AP3D1: variants seen among roughly 807,000 people sequenced by gnomAD.
AP3D1 encodes the protein adaptor related protein complex 3 subunit delta 1.
In AP3D1, 51 loss-of-function variants were observed where a neutral mutation model predicts 147.6. That is an observed-to-expected ratio of 0.35 (90% confidence interval 0.28 to 0.44). AP3D1 has a LOEUF of 0.44. AP3D1 is among the 20% of genes least tolerant of loss of function. AP3D1 has a pLI of 1.00. For synonymous variants in AP3D1, 760 were observed against 663.0 expected, an observed-to-expected ratio of 1.15 and a Z score of -2.25; for missense variants, 1,421 against 1,624.2, an observed-to-expected ratio of 0.87 and a Z score of 2.15.
intron 5 of AP3D1, among the ~76,000 whole-genome samples, chr19:2,132,253 G>T (rs532053552): frequency 6.6e-6 from 1 of 152,166 alleles, no homozygotes. Context: ...TGCTCCTCTC[G>T]GCAAGATGAT....
chr19:2,142,054 G>C (rs1326393076), intron 1 of AP3D1, among the ~76,000 whole-genome samples: 1 of 150,468 alleles, frequency 6.6e-6, no homozygotes, highest in Non-Finnish European at 1.5e-5. Flanking sequence ...AGTTTTGCTC[G>C]TCGCCCATGC....
Position 2,151,225 on chromosome 19 carries a change from C to A in AP3D1, c.96+14G>T, listed in dbSNP as rs747872620. On this transcript the variant is annotated intron_variant, in intron 1 of 31. Transcript: ENST00000643116. ...GTGACCAGGCCGAGCAGCCCCTTGG[C>A]GCGCCGGGCTCACCTCGTCCTCCTT... 1.2e-6 allele frequency: 2 copies of A among 1,606,556 alleles called. No homozygotes were observed. The highest frequency in any genetic ancestry group is 8.5e-7 in the Non-Finnish European group (1 of 1,176,368).
chr19:2,162,653 C>T (rs2019736292), intron 1 of AP3D1, among the ~76,000 whole-genome samples: 1 of 148,172 alleles, frequency 6.7e-6, no homozygotes, highest in Admixed American at 6.7e-5. Flanking sequence ...CAGAGCGAGA[C>T]TGTGTGTCAA....
intron 1 of AP3D1, among the ~76,000 whole-genome samples, chr19:2,145,886 C>T (rs969681984): frequency 4.6e-5 from 7 of 152,224 alleles, no homozygotes; most frequent in African/African-American, 1.4e-4. Flanking sequence ...AGCGGCTAAA[C>T]GCCTGTGAAT....
Position 2,129,061 on chromosome 19 carries a change from C to T in AP3D1, c.806+29G>A, listed in dbSNP as rs1261841414. On this transcript the variant is annotated intron_variant, in intron 8 of 31. Coordinates refer to ENST00000643116, the MANE Select transcript of AP3D1 (RefSeq NM_001261826.3). ...GACACTGCACCCCGTGGAGCCGGCC[C>T]GCCCCCACCGCGCATGGCCTGCACT... 6 of 1,544,648 alleles carry T rather than the reference C, an allele frequency of 3.9e-6. No individual in the cohort carries two copies. The South Asian group carries it at 6.0e-5, about 15-fold the overall frequency.
rs397859951 is a variant in AP3D1 at position 2,146,607 on chromosome 19, C to CAAA, written c.96+4629_96+4631dup. Among the ~76,000 whole-genome samples the CAAA allele has an allele frequency of 1.5e-4, 10 of 66,638 alleles. No homozygotes were observed. In the South Asian group the frequency reaches 1.9e-3, roughly 13 times the overall value. 43.7% of individuals were successfully genotyped at this position (66,638 alleles called of 152,430 possible). ...TGACAGACGGAGCAAGACCCTGTCT[C>CAAA]AAAAAAAAAAAAAAAAAAAAGCCGT... On this transcript the variant is annotated intron_variant, in intron 1 of 31. Transcript: ENST00000643116.
In AP3D1 at chr19:2,124,141, G is replaced by A. The variant is rs79489051; in HGVS notation, c.857-262C>T. On this transcript the variant is annotated intron_variant, in intron 9 of 31. Coordinates refer to ENST00000643116, the MANE Select transcript of AP3D1 (RefSeq NM_001261826.3). ...GCCTCAGCTGTTCCTGCAAACACTG[G>A]TTCACTCGCAACCCCTGCTTCCCTC... 2.9e-4 allele frequency among the ~76,000 whole-genome samples: 44 copies of A among 152,350 alleles called. No individual in the cohort carries two copies. The East Asian group carries it at 8.1e-3, about 28-fold the overall frequency.
At chr19:2,125,688 G>C (rs1377609725) in intron 9 of AP3D1, among the ~76,000 whole-genome samples, 1 of 152,150 alleles carries the variant, frequency 6.6e-6, no homozygotes, top group Non-Finnish European at 1.5e-5. Context: ...AGATTACCCA[G>C]GTAGGAACAA....
At chr19:2,122,528 G>A (rs910730864) in intron 11 of AP3D1, among the ~76,000 whole-genome samples, 11 of 152,234 alleles carry the variant, frequency 7.2e-5, no homozygotes, top group Non-Finnish European at 1.6e-4. Flanking sequence ...AGGCTGACAC[G>A]GCGGGCGGTA....
intron 4 of AP3D1, among the ~76,000 whole-genome samples, chr19:2,132,998 G>A (rs773474265): frequency 6.6e-6 from 1 of 152,178 alleles, no homozygotes; most frequent in Admixed American, 6.6e-5. Flanking sequence ...GGACAGAGGC[G>A]CCTGTCACAA....
chr19:2,118,707 T>C lies in AP3D1; in HGVS notation c.1607A>G (p.Gln536Arg), dbSNP rs1203249285. The change falls in exon 15 of 32, where the codon CAG (glutamine) becomes CGG (arginine). Residue 536 changes from glutamine (Q) to arginine (R), a missense_variant. Physicochemically the swap from Gln to Arg is conservative, Grantham distance 43. Around this residue, in one of 6 missense-constraint regions of AP3D1, gnomAD observed 310 missense variants for 388.1 expected, o/e 0.80. Transcript: ENST00000643116. Reference sequence around the variant, plus strand: ...CTCTGCCTCCCCGGCCTGCTCCTTCTGCTGCAGGATGGAGGCGTAGAGCTT... The same window carrying C: ...CTCTGCCTCCCCGGCCTGCTCCTTCCGCTGCAGGATGGAGGCGTAGAGCTT... ...VVKLYASILQ[Q>R]KEQAGEAEGA... 6.2e-7 allele frequency: 1 copy of C among 1,613,500 alleles called. No individual in the cohort carries two copies.
intron 30 of AP3D1, 69 bp downstream of exon 30, chr19:2,109,017 C>T: frequency 1.3e-6 from 2 of 1,588,120 alleles, no homozygotes; most frequent in Non-Finnish European, 1.7e-6. Context: ...GGCCCGGCTC[C>T]AATAGGAAGG....
chr19:2,102,121 G>A lies in AP3D1; in HGVS notation c.*52C>T, dbSNP rs371250099. On this transcript the variant is annotated 3_prime_UTR_variant, in exon 32 of 32. Transcript: ENST00000643116. ...AGGAGAGGCGAGACACGTCAGGGCT[G>A]CGGTCCCTGGGTACGTGCTCCGCGG... 2.8e-6 allele frequency: 4 copies of A among 1,444,808 alleles called. No homozygotes were observed. The highest frequency in any genetic ancestry group is 1.1e-5 in the South Asian group (1 of 87,376). The allele number at this position is 1,444,808 out of a possible 1,614,324, so 89.5% of individuals were successfully genotyped here.
intron 4 of AP3D1, among the ~76,000 whole-genome samples, chr19:2,132,910 G>A (rs940392598): frequency 6.6e-6 from 1 of 152,140 alleles, no homozygotes; most frequent in Non-Finnish European, 1.5e-5. Flanking sequence ...TGGATGGGCA[G>A]GGCTGGGGAC....
rs1418356669 is a variant in AP3D1 at position 2,124,009 on chromosome 19, G to C, written c.857-130C>G. On this transcript the variant is annotated intron_variant, in intron 9 of 31. Transcript: ENST00000643116. ...GGAGGGAGGACAGAAATGCCACTGA[G>C]TTTGGGACCACGCAGCCCAACTGTG... 4 of 1,052,412 alleles carry C rather than the reference G, an allele frequency of 3.8e-6. No homozygotes were observed. The East Asian group carries it at 1.0e-4, about 27-fold the overall frequency. The allele number at this position is 1,052,412 out of a possible 1,614,324, so 65.2% of individuals were successfully genotyped here.
chr19:2,114,328 C>A, intron 21 of AP3D1, 26 bp from the exon 22 acceptor site: 1 of 1,592,860 alleles, frequency 6.3e-7, no homozygotes, highest in Non-Finnish European at 8.6e-7. Context: ...CCGGGCCACA[C>A]ATCAGCACCA....
At chr19:2,113,080 G>T in intron 23 of AP3D1, 113 bp from the exon 24 acceptor site, 2 of 749,764 alleles carry the variant, frequency 2.7e-6, no homozygotes, top group Non-Finnish European at 4.3e-6. Flanking sequence ...GCCTGCCTGA[G>T]AGGCCACAGT....
At chr19:2,164,542 C>G (rs937334008), upstream of AP3D1, 1 of 273,782 alleles carries the variant, frequency 3.7e-6, no homozygotes, top group South Asian at 1.7e-4. Context: ...GTCCCGGGCG[C>G]GGAACGGAAG....
chr19:2,118,777 T>C lies in AP3D1; in HGVS notation c.1537A>G (p.Thr513Ala), dbSNP rs2018529699. Residue 513 changes from threonine (T) to alanine (A), a missense_variant, in exon 15 of 32, where the codon ACG (threonine) becomes GCG (alanine). This residue lies in a region of AP3D1 where 310 missense variants were observed against 388.1 expected (regional missense o/e 0.80). Coordinates refer to ENST00000643116, the MANE Select transcript of AP3D1 (RefSeq NM_001261826.3). ...ACGGCCTGGATGTGGCCTGGCAGCG[T>C]GGTGACTCTGGGCCGCAGCATGGCC... ...LEAMLRPRVT[T>A]LPGHIQAVYV... 2 of 1,613,634 alleles carry C rather than the reference T, an allele frequency of 1.2e-6. No homozygotes were observed. Among genetic ancestry groups the C allele is most frequent in the African/African-American group, 1.3e-5 (1 of 74,944 alleles).
Sources: allele counts gnomAD v4.1 joint callset (sites outside exome capture counted in the v4.1 genomes callset), GRCh38; gene constraint gnomAD v4.1.1; regional missense constraint gnomAD v4.1.1; transcripts MANE v1.5; gene names NCBI Gene and HGNC (gene_info 2026-07-23, HGNC 2026-07-21).